WDR70: variants seen among roughly 807,000 people sequenced by gnomAD.
WDR70 encodes the protein WD repeat domain 70.
In WDR70, 53 loss-of-function variants were observed where a neutral mutation model predicts 88.6. That is an observed-to-expected ratio of 0.60 (90% confidence interval 0.48 to 0.75). The LOEUF is 0.75. Among genes scored for constraint, WDR70 ranks in the 30% least tolerant of loss-of-function variants. WDR70 has a pLI of 0.00. For synonymous variants in WDR70, 280 were observed against 270.0 expected (o/e 1.04, Z -0.36); for missense variants, 610 against 823.2 (o/e 0.74, Z 3.17).
chr5:37,631,494 G>A (rs1375459108), intron 10 of WDR70, among the ~76,000 whole-genome samples: 1 of 152,184 alleles, frequency 6.6e-6, no homozygotes, highest in Non-Finnish European at 1.5e-5. Context: ...TACCCACTGT[G>A]TACCAGGAAT....
chr5:37,718,475 G>A (rs886075692), intron 13 of WDR70, among the ~76,000 whole-genome samples: 6 of 152,146 alleles, frequency 3.9e-5, no homozygotes, highest in African/African-American at 1.4e-4. Flanking sequence ...AACCAAGAAA[G>A]AGAAATAACT....
rs1456970155 is a variant in WDR70, at chr5:37,680,193, A to G, written c.1093-17462A>G. Among the ~76,000 whole-genome samples, 8 of 149,424 alleles carry G rather than the reference A, an allele frequency of 5.4e-5. No individual in the cohort carries two copies. In the South Asian group the frequency reaches 1.7e-3, roughly 32 times the overall value. On this transcript the variant is annotated intron_variant, in intron 10 of 17. Coordinates refer to ENST00000265107, the MANE Select transcript of WDR70 (RefSeq NM_018034.4). The stretch of plus-strand genomic sequence containing the variant: ...TTTCATATGTTTATTGGCTGCATGT[A>G]TGTCTTCTTTTGAGAGGTTTCTGTT...
At chr5:37,659,073 C>G (rs549373458) in intron 10 of WDR70, among the ~76,000 whole-genome samples, 1 of 152,238 alleles carries the variant, frequency 6.6e-6, no homozygotes, top group East Asian at 1.9e-4. Flanking sequence ...GTACACAATT[C>G]ATTCTATTGT....
intron 16 of WDR70, 93 bp downstream of exon 16, chr5:37,725,143 G>A: frequency 1.0e-6 from 1 of 1,004,190 alleles, no homozygotes; most frequent in South Asian, 1.4e-5. Flanking sequence ...GGGCCTGGAT[G>A]CTTCTTTGTC....
intron 7 of WDR70, among the ~76,000 whole-genome samples, chr5:37,447,932 G>A (rs4869435): frequency 0.92 from 140,332 of 152,148 alleles, 65,743 homozygotes; most frequent in East Asian, 1. Flanking sequence ...AACTTAAAGT[G>A]TAATTAAAAA....
At chr5:37,565,295 T>TA (rs1472998703) in intron 9 of WDR70, among the ~76,000 whole-genome samples, 1 of 152,154 alleles carries the variant, frequency 6.6e-6, no homozygotes, top group African/African-American at 2.4e-5. Flanking sequence ...TTCTTCTGGA[T>TA]ATGTAAAATT....
Position 37,676,292 on chromosome 5 carries a change from A to AG in WDR70, c.1093-21360dup, listed in dbSNP as rs1295988636. ...CTATGTTGAATAGGAGTGGTGAGAG[A>AG]GGGCATCCCTGTCTTGTGCCAGTTT... On this transcript the variant is annotated intron_variant, in intron 10 of 17. Transcript: ENST00000265107. Among the ~76,000 whole-genome samples the AG allele has an allele frequency of 1.3e-4, 19 of 151,698 alleles. No individual in the cohort carries two copies. In the South Asian group the frequency reaches 3.1e-3, roughly 25 times the overall value.
chr5:37,633,660 ATGT>A (rs1299768970), intron 10 of WDR70, among the ~76,000 whole-genome samples: 1 of 152,162 alleles, frequency 6.6e-6, no homozygotes, highest in Non-Finnish European at 1.5e-5. Flanking sequence ...CACATGAAAT[ATGT>A]GTCGCAAAGA....
At chr5:37,577,743 TAGG>T (rs762557595) in intron 9 of WDR70, among the ~76,000 whole-genome samples, 2 of 152,058 alleles carry the variant, frequency 1.3e-5, no homozygotes, top group Admixed American at 6.6e-5. Context: ...ACAGGGAAGG[TAGG>T]AGGAGAGCCG....
intron 9 of WDR70, among the ~76,000 whole-genome samples, chr5:37,592,429 C>T (rs1281677531): frequency 2.7e-5 from 3 of 111,584 alleles, no homozygotes; most frequent in Non-Finnish European, 3.6e-5. Flanking sequence ...AAGTACTTAA[C>T]TGAAAAATAT....
At chr5:37,433,276 G>A (rs960543892) in intron 5 of WDR70, among the ~76,000 whole-genome samples, 39 of 152,082 alleles carry the variant, frequency 2.6e-4, no homozygotes, top group Admixed American at 2.6e-3. Context: ...GGTCAGGCTG[G>A]TCTCAAACTC....
At chr5:37,545,897 T>G (rs6881383) in intron 9 of WDR70, among the ~76,000 whole-genome samples, 81,105 of 152,016 alleles carry the variant, frequency 0.53, 22,542 homozygotes, top group Non-Finnish European at 0.61. Flanking sequence ...GACTTTATTT[T>G]CATTATTGTG....
chr5:37,558,893 T>A (rs1742398186), intron 9 of WDR70, among the ~76,000 whole-genome samples: 1 of 152,104 alleles, frequency 6.6e-6, no homozygotes, highest in Non-Finnish European at 1.5e-5. Context: ...CTTACCCTGA[T>A]ACTTACTGTC....
intron 7 of WDR70, among the ~76,000 whole-genome samples, chr5:37,449,554 T>G (rs1161478332): frequency 1.4e-5 from 2 of 146,800 alleles, no homozygotes; most frequent in African/African-American, 5.2e-5. Flanking sequence ...ATTGTGCCAT[T>G]GCACTCCAGC....
At chr5:37,484,521 G>A (rs1376551057) in intron 8 of WDR70, among the ~76,000 whole-genome samples, 1 of 152,198 alleles carries the variant, frequency 6.6e-6, no homozygotes, top group Non-Finnish European at 1.5e-5. Flanking sequence ...TCCAGCTTCG[G>A]CTTGGCATCA....
At chr5:37,706,628 T>G (rs970709743) in intron 13 of WDR70, among the ~76,000 whole-genome samples, 1 of 152,146 alleles carries the variant, frequency 6.6e-6, no homozygotes, top group Non-Finnish European at 1.5e-5. Flanking sequence ...TCCCCAGCCA[T>G]GTGGAACTGC....
At chr5:37,680,048 G>T (rs985604427) in intron 10 of WDR70, among the ~76,000 whole-genome samples, 2 of 152,078 alleles carry the variant, frequency 1.3e-5, no homozygotes, top group Non-Finnish European at 2.9e-5. Context: ...CCACAACCTT[G>T]CCAGCATCGG....
At chr5:37,502,355 C>A (rs566870658) in intron 8 of WDR70, among the ~76,000 whole-genome samples, 1 of 152,068 alleles carries the variant, frequency 6.6e-6, no homozygotes, top group African/African-American at 2.4e-5. Flanking sequence ...GGTCTTGTTC[C>A]AATTCTTGGG....
chr5:37,669,106 C>T (rs1745946522), intron 10 of WDR70, among the ~76,000 whole-genome samples: 1 of 152,110 alleles, frequency 6.6e-6, no homozygotes, highest in African/African-American at 2.4e-5. Flanking sequence ...TACATGTTTT[C>T]CCCCTTTCCC....
Sources: allele counts gnomAD v4.1 joint callset (sites outside exome capture counted in the v4.1 genomes callset), GRCh38; gene constraint gnomAD v4.1.1; transcripts MANE v1.5; gene names NCBI Gene and HGNC (gene_info 2026-07-23, HGNC 2026-07-21).